The following COL21A1 variants were observed in gnomAD, a reference collection of about 807,000 sequenced individuals.
The protein encoded by COL21A1 is collagen type XXI alpha 1 chain, also known as collagen alpha-1(XXI) chain.
In COL21A1, 149 loss-of-function variants were observed where a neutral mutation model predicts 137.9. The observed-to-expected ratio is 1.08, with a 90% CI of 0.95 to 1.24. The LOEUF is 1.24. COL21A1 is among the 50% of genes most tolerant of loss of function. The pLI, the probability that COL21A1 is intolerant of heterozygous loss-of-function variation, is 0.00. For missense variants in COL21A1, 1,167 were observed against 1,158.4 expected (o/e 1.01, Z -0.11); for synonymous variants, 456 against 391.5 (o/e 1.16, Z -1.95).
At chr6:56,350,616 T>C (rs1765691595) in intron 1 of COL21A1, among the ~76,000 whole-genome samples, 1 of 152,206 alleles carries the variant, frequency 6.6e-6, no homozygotes, top group African/African-American at 2.4e-5. Flanking sequence ...TTCTAGACCT[T>C]CCATAAGGGG....
At chr6:56,344,107 A>G (rs16887806) in intron 1 of COL21A1, among the ~76,000 whole-genome samples, 28,941 of 152,116 alleles carry the variant, frequency 0.19, 4,511 homozygotes, top group African/African-American at 0.43. Flanking sequence ...ATGTTACTCA[A>G]ATGAAATGCA....
intron 17 of COL21A1, among the ~76,000 whole-genome samples, chr6:56,086,318 G>A (rs1356447495): frequency 1.3e-5 from 2 of 151,984 alleles, no homozygotes; most frequent in Non-Finnish European, 2.9e-5. Flanking sequence ...CCAAACCATT[G>A]CACAGTTGAA....
intron 1 of COL21A1, among the ~76,000 whole-genome samples, chr6:56,343,965 C>G (rs142300830): frequency 6.6e-6 from 1 of 152,148 alleles, no homozygotes; most frequent in African/African-American, 2.4e-5. Context: ...AAAATGTAAA[C>G]CAATGGGAAG....
chr6:56,339,509 A>T (rs1765419066), intron 1 of COL21A1, among the ~76,000 whole-genome samples: 1 of 152,142 alleles, frequency 6.6e-6, no homozygotes, highest in South Asian at 2.1e-4. Flanking sequence ...GTTTTGAATT[A>T]CTGATCTAGA....
chr6:56,210,121 G>A (rs1398037828), intron 1 of COL21A1, among the ~76,000 whole-genome samples: 2 of 152,078 alleles, frequency 1.3e-5, no homozygotes, highest in Non-Finnish European at 2.9e-5. Context: ...TGGGGGGCTG[G>A]GGGAGGGGTA....
At chr6:56,355,517 C>CA (rs1194501600) in intron 1 of COL21A1, among the ~76,000 whole-genome samples, 3 of 152,046 alleles carry the variant, frequency 2.0e-5, no homozygotes, top group East Asian at 1.9e-4. Context: ...ATCCTGCCTC[C>CA]AAAAAACCTG....
At chr6:56,193,762 T>G (rs1219416128) in intron 1 of COL21A1, among the ~76,000 whole-genome samples, 1 of 18,440 alleles carries the variant, frequency 5.4e-5, no homozygotes, top group Non-Finnish European at 1.0e-4. Context: ...GTTTTTTTGT[T>G]TTTTTTTTTT....
chr6:56,234,021 A>G (rs1406478021), intron 1 of COL21A1, among the ~76,000 whole-genome samples: 1 of 151,852 alleles, frequency 6.6e-6, no homozygotes, highest in East Asian at 1.9e-4. Flanking sequence ...GATGACTGGT[A>G]GAAAAGGAAA....
intron 1 of COL21A1, among the ~76,000 whole-genome samples, chr6:56,270,944 G>A (rs1005847514): frequency 3.9e-5 from 6 of 152,308 alleles, no homozygotes; most frequent in East Asian, 1.9e-4. Context: ...CCAGTCTCAG[G>A]TGGTATTCTT....
chr6:56,304,648 A>G (rs989168963), intron 1 of COL21A1, among the ~76,000 whole-genome samples: 17 of 152,028 alleles, frequency 1.1e-4, no homozygotes, highest in African/African-American at 4.1e-4. Context: ...TCTTGCTAGC[A>G]GTCTATCAAT....
chr6:56,353,297 C>T (rs377428724), intron 1 of COL21A1, among the ~76,000 whole-genome samples: 12 of 152,128 alleles, frequency 7.9e-5, no homozygotes, highest in East Asian at 5.8e-4. Context: ...GCTTTTGGAA[C>T]CCTGAGCTAC....
intron 12 of COL21A1, among the ~76,000 whole-genome samples, chr6:56,130,165 TTATATATA>T (rs201644225): frequency 7.8e-4 from 84 of 107,928 alleles, no homozygotes; most frequent in African/African-American, 2.5e-3. Flanking sequence ...TGACAGGGTT[TTATATATA>T]TATATATATA....
chr6:56,383,982 ATAGAT>A (rs2094013130), intron 1 of COL21A1, among the ~76,000 whole-genome samples: 3 of 137,594 alleles, frequency 2.2e-5, no homozygotes, highest in African/African-American at 7.5e-5. Context: ...TGTGAGAAAT[ATAGAT>A]TAATTTTTTT....
intron 1 of COL21A1, among the ~76,000 whole-genome samples, chr6:56,241,025 C>T (rs967109602): frequency 3.9e-5 from 6 of 152,148 alleles, no homozygotes; most frequent in Admixed American, 3.3e-4. Context: ...GCTCCCTCCC[C>T]ATTCCATAGG....
At chr6:56,361,716 A>C (rs981777176) in intron 1 of COL21A1, among the ~76,000 whole-genome samples, 7 of 152,120 alleles carry the variant, frequency 4.6e-5, no homozygotes, top group African/African-American at 1.7e-4. Context: ...AAAAAGTCAA[A>C]GCAGTTATCT....
intron 1 of COL21A1, among the ~76,000 whole-genome samples, chr6:56,283,887 C>CTCTT (rs1443267379): frequency 2.6e-5 from 4 of 152,018 alleles, no homozygotes; most frequent in Non-Finnish European, 5.9e-5. Context: ...CTCTCTCTCT[C>CTCTT]TCTCTCTCTC....
chr6:56,246,516 G>A (rs943752122), intron 1 of COL21A1, among the ~76,000 whole-genome samples: 6 of 151,770 alleles, frequency 4.0e-5, no homozygotes, highest in African/African-American at 1.5e-4. Context: ...AAATAACTAA[G>A]GTTCTTCTGA....
chr6:56,296,960 G>C (rs1764176881), intron 1 of COL21A1, among the ~76,000 whole-genome samples: 1 of 151,920 alleles, frequency 6.6e-6, no homozygotes, highest in Non-Finnish European at 1.5e-5. Context: ...GCTCAACCTA[G>C]GCTATTACCA....
At chr6:56,191,160 G>A (rs747092646) in intron 1 of COL21A1, among the ~76,000 whole-genome samples, 3 of 152,050 alleles carry the variant, frequency 2.0e-5, no homozygotes, top group East Asian at 1.9e-4. Context: ...AGAGGAAGTC[G>A]AATTTTCTCA....
Sources: allele counts gnomAD v4.1 joint callset (sites outside exome capture counted in the v4.1 genomes callset), GRCh38; gene constraint gnomAD v4.1.1; transcripts MANE v1.5; gene names NCBI Gene and HGNC (gene_info 2026-07-23, HGNC 2026-07-21).